The following FOXO3 variants were observed in gnomAD, a reference collection of about 807,000 sequenced individuals.
The protein encoded by FOXO3 is forkhead box protein O3.
A neutral mutation model predicts 41.9 loss-of-function variants in FOXO3; 4 were observed. The ratio of observed to expected loss-of-function variants is 0.10; its 90% CI spans 0.05 to 0.22. The LOEUF (loss-of-function observed/expected upper bound fraction) is 0.22, where lower values mean the gene tolerates loss of function less well. FOXO3 is among the 10% of genes least tolerant of loss of function. FOXO3 has a pLI of 1.00. For synonymous variants in FOXO3, 318 were observed against 389.3 expected (o/e 0.82, Z 2.16); for missense variants, 534 against 906.8 (o/e 0.59, Z 5.28).
intron 1 of FOXO3, among the ~76,000 whole-genome samples, chr6:108,624,303 A>G (rs1777752607): frequency 6.6e-6 from 1 of 151,714 alleles, no homozygotes; most frequent in Non-Finnish European, 1.5e-5. Context: ...CTTAAGGTAG[A>G]ATAATGGTTA....
intron 1 of FOXO3, among the ~76,000 whole-genome samples, chr6:108,564,148 G>A (rs1459800702): frequency 1.3e-5 from 2 of 152,122 alleles, no homozygotes; most frequent in African/African-American, 4.8e-5. Flanking sequence ...ACGACTAAAG[G>A]GATATAATTT....
chr6:108,621,465 AGTAT>A (rs1309075342), intron 1 of FOXO3, among the ~76,000 whole-genome samples: 1 of 152,234 alleles, frequency 6.6e-6, no homozygotes, highest in Non-Finnish European at 1.5e-5. Context: ...GAAAGAATCA[AGTAT>A]GTGTGTAGTG....
chr6:108,669,161 G>T (rs1779145312), intron 2 of FOXO3, among the ~76,000 whole-genome samples: 1 of 152,134 alleles, frequency 6.6e-6, no homozygotes, highest in Admixed American at 6.5e-5. Context: ...CTAACATTTT[G>T]TCTGTGAAAT....
At chr6:108,591,721 G>A (rs1360195550) in intron 1 of FOXO3, among the ~76,000 whole-genome samples, 1 of 152,142 alleles carries the variant, frequency 6.6e-6, no homozygotes, top group Non-Finnish European at 1.5e-5. Context: ...ATTGTATAGG[G>A]AGGTGACACA....
At chr6:108,598,788 C>T (rs1776962588) in intron 1 of FOXO3, among the ~76,000 whole-genome samples, 1 of 152,162 alleles carries the variant, frequency 6.6e-6, no homozygotes. Flanking sequence ...GGAATGCCTA[C>T]CCAGGGCATT....
intron 1 of FOXO3, among the ~76,000 whole-genome samples, chr6:108,615,258 A>G (rs1405089447): frequency 6.6e-6 from 1 of 151,974 alleles, no homozygotes; most frequent in African/African-American, 2.4e-5. Flanking sequence ...GCTTGATGAA[A>G]CTACTTTTTA....
At chr6:108,667,003 G>T (rs1779082550) in intron 2 of FOXO3, among the ~76,000 whole-genome samples, 2 of 152,324 alleles carry the variant, frequency 1.3e-5, no homozygotes, top group South Asian at 4.1e-4. Flanking sequence ...CCTCTGCCAT[G>T]ATGAAGGACT....
chr6:108,613,805 C>T (rs969796972), intron 1 of FOXO3, among the ~76,000 whole-genome samples: 5 of 151,986 alleles, frequency 3.3e-5, no homozygotes, highest in African/African-American at 1.2e-4. Flanking sequence ...CTTTTTCTGG[C>T]ATCTTAAGGT....
intron 1 of FOXO3, among the ~76,000 whole-genome samples, chr6:108,628,576 G>A (rs143779252): frequency 1.1e-4 from 16 of 152,306 alleles, no homozygotes; most frequent in African/African-American, 3.9e-4. Context: ...GAAGAGTGGT[G>A]TCTCACCATT....
Position 108,561,639 on chromosome 6 carries a change from C to T in FOXO3, c.431C>T (p.Ser144Phe), listed in dbSNP as rs778623754. ...PPPQPGAAGGSGQPRKCSSRR... is the reference protein window; with the variant it reads ...PPPQPGAAGGFGQPRKCSSRR... ...CCGCAGCCGGGGGCGGCTGGGGGCTCCGGGCAGCCGAGGAAATGTTCGTCG... is the reference window on the plus strand; with the variant it reads ...CCGCAGCCGGGGGCGGCTGGGGGCTTCGGGCAGCCGAGGAAATGTTCGTCG... The change falls in exon 1 of 3, where the codon TCC (serine) becomes TTC (phenylalanine). Residue 144 changes from serine (S) to phenylalanine (F), a missense_variant. Physicochemically the swap from Ser to Phe is radical, Grantham distance 155. This residue lies in a region of FOXO3 where 139 missense variants were observed against 163.7 expected (regional missense o/e 0.85). Coordinates refer to ENST00000406360, the MANE Select transcript of FOXO3 (RefSeq NM_001455.4). 1.3e-6 allele frequency: 2 copies of T among 1,574,146 alleles called. No homozygotes were observed. The highest frequency in any genetic ancestry group is 2.3e-5 in the South Asian group (2 of 87,562).
chr6:108,620,923 C>T (rs979763201), intron 1 of FOXO3, among the ~76,000 whole-genome samples: 14 of 152,076 alleles, frequency 9.2e-5, no homozygotes, highest in Admixed American at 9.2e-4. Flanking sequence ...AAAATGAAGG[C>T]ACTTCTTAGA....
At chr6:108,618,104 A>G in intron 1 of FOXO3, 1 of 791,954 alleles carries the variant, frequency 1.3e-6, no homozygotes, top group Admixed American at 1.7e-5. Context: ...TTGCCGGTCA[A>G]ATCAGAGTCT....
intron 1 of FOXO3, among the ~76,000 whole-genome samples, chr6:108,655,815 G>A (rs1778668114): frequency 6.6e-6 from 1 of 152,110 alleles, no homozygotes; most frequent in East Asian, 1.9e-4. Context: ...GGTTCCATTG[G>A]GCTGTTCAAA....
At chr6:108,620,676 CTTTTA>C (rs1346444118) in intron 1 of FOXO3, among the ~76,000 whole-genome samples, 1 of 34,772 alleles carries the variant, frequency 2.9e-5, no homozygotes, top group Non-Finnish European at 1.5e-4. Context: ...TAACAATTTT[CTTTTA>C]TTTTTCTTTC....
chr6:108,600,908 T>A (rs184431650), intron 1 of FOXO3, among the ~76,000 whole-genome samples: 14 of 152,348 alleles, frequency 9.2e-5, no homozygotes, highest in Admixed American at 7.8e-4. Flanking sequence ...TAGTTCCCCT[T>A]GTGTTAATAT....
At chr6:108,608,512 C>A (rs750670651) in intron 1 of FOXO3, among the ~76,000 whole-genome samples, 2 of 152,168 alleles carry the variant, frequency 1.3e-5, no homozygotes, top group Non-Finnish European at 2.9e-5. Context: ...AACAACTACT[C>A]TTTTCTGGTG....
chr6:108,624,643 T>C (rs915487046), intron 1 of FOXO3, among the ~76,000 whole-genome samples: 6 of 152,198 alleles, frequency 3.9e-5, no homozygotes, highest in African/African-American at 1.4e-4. Flanking sequence ...TATTGTACTT[T>C]GGTGAAGCTT....
At chr6:108,639,473 T>C (rs1276905937) in intron 1 of FOXO3, 8 of 813,830 alleles carry the variant, frequency 9.8e-6, no homozygotes, top group Non-Finnish European at 1.2e-5. Context: ...GACCATGTTC[T>C]TTCTGTGCTT....
At chr6:108,675,110 G>A (rs1347258946) in intron 2 of FOXO3, among the ~76,000 whole-genome samples, 1 of 152,092 alleles carries the variant, frequency 6.6e-6, no homozygotes, top group Non-Finnish European at 1.5e-5. Context: ...GGATTTATCT[G>A]TCCCTATCTC....
Sources: gnomAD v4.1 joint callset for allele counts (sites outside exome capture counted in the v4.1 genomes callset) on GRCh38, gnomAD v4.1.1 for gene constraint, gnomAD v4.1.1 regional missense constraint, MANE v1.5 for transcripts, NCBI Gene and HGNC (gene_info 2026-07-23, HGNC 2026-07-21) for gene names.